CECR2: variants seen among roughly 807,000 people sequenced by gnomAD.
The protein encoded by CECR2 is CECR2 histone acetyl-lysine reader.
CECR2 carries 30 observed loss-of-function variants against 154.5 expected under a neutral mutation model. The ratio of observed to expected loss-of-function variants is 0.19; its 90% CI spans 0.15 to 0.26. CECR2 has a LOEUF of 0.26. Ranked by LOEUF, CECR2 falls within the 10% of genes least tolerant of loss-of-function variation. The pLI, the probability that CECR2 is intolerant of heterozygous loss-of-function variation, is 1.00. For synonymous variants in CECR2, 725 were observed against 683.7 expected, an observed-to-expected ratio of 1.06 and a Z score of -0.94; for missense variants, 1,743 against 1,829.3, an observed-to-expected ratio of 0.95 and a Z score of 0.86.
intron 1 of CECR2, among the ~76,000 whole-genome samples, chr22:17,448,358 T>A (rs2054711402): frequency 6.6e-6 from 1 of 152,212 alleles, no homozygotes; most frequent in Non-Finnish European, 1.5e-5. Flanking sequence ...TCTTTTATCA[T>A]TAAGTTTTTG....
chr22:17,376,644 G>GTT (rs200420435), intron 1 of CECR2, among the ~76,000 whole-genome samples: 1 of 143,792 alleles, frequency 7.0e-6, no homozygotes, highest in African/African-American at 2.5e-5. Context: ...CTTTTTTTTT[G>GTT]TTTTTTTTTT....
intron 1 of CECR2, among the ~76,000 whole-genome samples, chr22:17,461,882 T>G (rs2054944471): frequency 6.6e-6 from 1 of 151,012 alleles, no homozygotes; most frequent in Non-Finnish European, 1.5e-5. Context: ...AACCTCCGTC[T>G]CCAGGGTTCA....
chr22:17,375,793 A>AT (rs1163079170), intron 1 of CECR2, among the ~76,000 whole-genome samples: 1 of 151,988 alleles, frequency 6.6e-6, no homozygotes, highest in Non-Finnish European at 1.5e-5. Context: ...CGTCTCTACT[A>AT]AAAGTACAAA....
intron 9 of CECR2, 155 bp downstream of exon 9, chr22:17,524,426 T>G (rs1483593525): frequency 1.2e-6 from 1 of 857,692 alleles, no homozygotes; most frequent in South Asian, 1.8e-5. Context: ...GGAGTCTCGC[T>G]GTGTCGCCCA....
At chr22:17,469,480 G>A (rs866982953) in intron 1 of CECR2, among the ~76,000 whole-genome samples, 2 of 152,168 alleles carry the variant, frequency 1.3e-5, no homozygotes, top group Non-Finnish European at 2.9e-5. Context: ...CCGCGACAGC[G>A]CGTCATCACT....
intron 1 of CECR2, among the ~76,000 whole-genome samples, chr22:17,376,917 T>C (rs2063125760): frequency 6.6e-6 from 1 of 152,178 alleles, no homozygotes; most frequent in African/African-American, 2.4e-5. Flanking sequence ...ATTAAAGGCA[T>C]GAGCCACCGC....
At chr22:17,524,675 A>G (rs1227441865) in intron 9 of CECR2, among the ~76,000 whole-genome samples, 1 of 125,514 alleles carries the variant, frequency 8.0e-6, no homozygotes. Context: ...TACAGGCATG[A>G]GCCACCATGC....
At chr22:17,526,586 G>A (rs1451385538) in intron 9 of CECR2, among the ~76,000 whole-genome samples, 1 of 151,760 alleles carries the variant, frequency 6.6e-6, no homozygotes, top group Non-Finnish European at 1.5e-5. Context: ...CAAGGCGGGT[G>A]AATTACAAGG....
intron 8 of CECR2, among the ~76,000 whole-genome samples, chr22:17,513,115 C>G (rs2055989235): frequency 6.6e-6 from 1 of 152,030 alleles, no homozygotes; most frequent in Non-Finnish European, 1.5e-5. Context: ...GCTCAGGAGC[C>G]TGAAGCAGGA....
At chr22:17,519,299 T>G (rs2056115082) in intron 8 of CECR2, among the ~76,000 whole-genome samples, 3 of 148,796 alleles carry the variant, frequency 2.0e-5, no homozygotes, top group Middle Eastern at 3.4e-3. Context: ...TGTGTTTTTT[T>G]TTTTTTTTTT....
intron 2 of CECR2, among the ~76,000 whole-genome samples, chr22:17,487,981 C>A (rs1008919438): frequency 6.6e-6 from 1 of 152,112 alleles, no homozygotes; most frequent in Non-Finnish European, 1.5e-5. Flanking sequence ...CTCCTGGGTT[C>A]AAATGATTCT....
Position 17,468,216 on chromosome 22 carries a change from G to T in CECR2, c.127-9372G>T, listed in dbSNP as rs139739114. Among the ~76,000 whole-genome samples the T allele has an allele frequency of 1.2e-3, 187 of 152,238 alleles. 3 individuals are homozygous for T. In the South Asian group the frequency reaches 0.018, roughly 15 times the overall value. ...TCTTACTGAAAATAAGTAATATGTG[G>T]GCTCATGTTTTGGGCTCTTTCAAGG... On this transcript the variant is annotated intron_variant, in intron 1 of 18. Transcript: ENST00000262608.
intron 2 of CECR2, among the ~76,000 whole-genome samples, chr22:17,489,801 T>C (rs947504366): frequency 2.0e-5 from 3 of 152,124 alleles, no homozygotes; most frequent in Admixed American, 6.6e-5. Context: ...TTTTATATTA[T>C]TAATTTTCTT....
chr22:17,510,971 T>G (rs756160398), intron 7 of CECR2, among the ~76,000 whole-genome samples: 13 of 152,330 alleles, frequency 8.5e-5, no homozygotes, highest in Middle Eastern at 6.8e-3. Context: ...GCGGTATGTT[T>G]AAGTTGTATA....
At chr22:17,519,982 A>G (rs562329609) in intron 8 of CECR2, among the ~76,000 whole-genome samples, 1 of 151,872 alleles carries the variant, frequency 6.6e-6, no homozygotes, top group South Asian at 2.1e-4. Flanking sequence ...GTAAAGACAG[A>G]GTTTCACCAT....
At position 17,486,531 on chromosome 22, in the gene CECR2, C is replaced by T. The variant is rs78048554; in HGVS notation, c.221+8849C>T. ...CCTTGCGGCTTGGATGAAGCGTCAG[C>T]CACTGGGAAAGCCCACATGGCTGGG... On this transcript the variant is annotated intron_variant, in intron 2 of 18. Coordinates refer to ENST00000262608, the MANE Select transcript of CECR2 (RefSeq NM_001290047.2). Among the ~76,000 whole-genome samples the T allele has an allele frequency of 9.9e-3, 1,503 of 152,268 alleles. 19 individuals carry two copies. The highest frequency in any genetic ancestry group is 0.034 in the African/African-American group (1,426 of 41,562).
chr22:17,410,622 A>C (rs892386883), intron 1 of CECR2, among the ~76,000 whole-genome samples: 1 of 151,950 alleles, frequency 6.6e-6, no homozygotes, highest in African/African-American at 2.4e-5. Flanking sequence ...TAATTTTTGT[A>C]TTTTTAGCAG....
chr22:17,435,694 A>AAC (rs1555909225), intron 1 of CECR2, among the ~76,000 whole-genome samples: 37 of 148,176 alleles, frequency 2.5e-4, no homozygotes, highest in Non-Finnish European at 4.6e-4. Context: ...TAAAAAAAAA[A>AAC]AAAAAAAAAA....
chr22:17,417,636 T>C (rs1478331150), intron 1 of CECR2, among the ~76,000 whole-genome samples: 1 of 152,166 alleles, frequency 6.6e-6, no homozygotes, highest in Non-Finnish European at 1.5e-5. Flanking sequence ...AGTATTTTTT[T>C]GAGACAGACC....
Sources: allele counts gnomAD v4.1 joint callset (sites outside exome capture counted in the v4.1 genomes callset), GRCh38; gene constraint gnomAD v4.1.1; transcripts MANE v1.5; gene names NCBI Gene and HGNC (gene_info 2026-07-23, HGNC 2026-07-21).